The following DAB1 variants were observed in gnomAD, a reference collection of about 807,000 sequenced individuals.
The protein encoded by DAB1 is disabled homolog 1.
A neutral mutation model predicts 64.6 loss-of-function variants in DAB1; 15 were observed. The ratio of observed to expected loss-of-function variants is 0.23; its 90% CI spans 0.16 to 0.36. DAB1 has a LOEUF of 0.36. DAB1 is among the 10% of genes least tolerant of loss of function. DAB1 has a pLI of 1.00. For missense variants in DAB1, 596 were observed against 706.7 expected, an observed-to-expected ratio of 0.84 and a Z score of 1.78; for synonymous variants, 235 against 251.9, an observed-to-expected ratio of 0.93 and a Z score of 0.64.
At chr1:57,485,308 A>G (rs1406548438) in intron 7 of DAB1, among the ~76,000 whole-genome samples, 1 of 152,164 alleles carries the variant, frequency 6.6e-6, no homozygotes, top group Admixed American at 6.5e-5. Context: ...CTATGGGGTG[A>G]GACCCTCTAA....
rs558875140 is a variant in DAB1 at position 58,474,445 on chromosome 1, C to A, written n.257+31615G>T. 2.6e-5 allele frequency among the ~76,000 whole-genome samples: 4 copies of A among 152,126 alleles called. No homozygotes were observed. In the South Asian group the frequency reaches 8.3e-4, roughly 32 times the overall value. ...CTTTTGCACCAACCTAATTGTTCCC[C>A]TGAGAGAAGGAGTTGGTTCATTGTG... is the stretch of plus-strand genomic sequence containing the variant. On this transcript the variant is annotated intron_variant and non_coding_transcript_variant, in intron 3 of 20. Transcript: ENST00000485760.
intron 1 of DAB1, among the ~76,000 whole-genome samples, chr1:57,409,207 T>C (rs17425707): frequency 0.1 from 15,475 of 152,278 alleles, 830 homozygotes; most frequent in African/African-American, 0.12. Context: ...AGGTAGCAGA[T>C]AGTGTTACTG....
chr1:57,162,434 C>A (rs1184566058), intron 2 of DAB1, among the ~76,000 whole-genome samples: 1 of 152,328 alleles, frequency 6.6e-6, no homozygotes, highest in African/African-American at 2.4e-5. Context: ...CAGTGCAGAA[C>A]CCCTAACTTA....
chr1:58,047,161 A>G (rs1647293510), intron 5 of DAB1, among the ~76,000 whole-genome samples: 1 of 152,210 alleles, frequency 6.6e-6, no homozygotes, highest in Non-Finnish European at 1.5e-5. Context: ...AGTTTCACCC[A>G]AAAGAAATAT....
intron 7 of DAB1, among the ~76,000 whole-genome samples, chr1:57,499,756 A>G (rs1570575754): frequency 6.6e-6 from 1 of 152,208 alleles, no homozygotes; most frequent in East Asian, 1.9e-4. Flanking sequence ...GGCTGCATGA[A>G]AGATATTTCC....
intron 6 of DAB1, among the ~76,000 whole-genome samples, chr1:57,720,200 T>A (rs186635461): frequency 3.7e-4 from 56 of 152,344 alleles, no homozygotes; most frequent in Non-Finnish European, 6.2e-4. Context: ...CACACTCCGA[T>A]GCACTGCACA....
intron 5 of DAB1, among the ~76,000 whole-genome samples, chr1:58,043,989 G>C (rs565741315): frequency 2.0e-5 from 3 of 152,190 alleles, no homozygotes; most frequent in Non-Finnish European, 4.4e-5. Context: ...GCCTCTCAAA[G>C]TGCTGGGATT....
chr1:57,126,229 T>A (rs1455754393), intron 4 of DAB1, among the ~76,000 whole-genome samples: 1 of 152,210 alleles, frequency 6.6e-6, no homozygotes, highest in Non-Finnish European at 1.5e-5. Flanking sequence ...TAAATTCATC[T>A]CACTGTTAAT....
intron 4 of DAB1, among the ~76,000 whole-genome samples, chr1:58,250,536 T>G (rs960592198): frequency 5.3e-5 from 8 of 152,158 alleles, no homozygotes; most frequent in African/African-American, 1.9e-4. Context: ...CTTTCATACC[T>G]TATACATCAC....
At chr1:58,113,916 C>T (rs976164405) in intron 5 of DAB1, among the ~76,000 whole-genome samples, 4 of 151,456 alleles carry the variant, frequency 2.6e-5, no homozygotes, top group South Asian at 2.1e-4. Context: ...TAGGAAGGTG[C>T]CCCCCCAAAG....
intron 5 of DAB1, among the ~76,000 whole-genome samples, chr1:57,923,752 G>A (rs571387382): frequency 3.9e-5 from 6 of 152,322 alleles, no homozygotes; most frequent in African/African-American, 2.4e-5. Flanking sequence ...GACTTTGTAG[G>A]TTGTTAAGTG....
At position 58,296,217 on chromosome 1, in the gene DAB1, GAA is replaced by G. The variant is rs1178186308; in HGVS notation, n.309+47133_309+47134del. Among the ~76,000 whole-genome samples, 103 of 146,512 alleles carry G rather than the reference GAA, an allele frequency of 7.0e-4. 1 individual carries two copies. Among genetic ancestry groups the G allele is most frequent in the East Asian group, 1.8e-3 (9 of 4,958 alleles). ...AAAGAGAAAGAAAGAAAGAAAGAAAGAAAGAAAGAAAGAAAGAAAGAAAGAAA... is the reference window on the plus strand; with the variant it reads ...AAAGAGAAAGAAAGAAAGAAAGAAAGAGAAAGAAAGAAAGAAAGAAAGAAA... On this transcript the variant is annotated intron_variant and non_coding_transcript_variant, in intron 4 of 20. Coordinates refer to the DAB1 transcript ENST00000485760.
chr1:58,101,166 A>T (rs1179654236), intron 5 of DAB1, among the ~76,000 whole-genome samples: 6 of 151,894 alleles, frequency 4.0e-5, no homozygotes, highest in Non-Finnish European at 7.4e-5. Flanking sequence ...AAACACAAAA[A>T]ATTAGCCGGG....
chr1:58,377,389 G>C (rs1175941938), intron 3 of DAB1, among the ~76,000 whole-genome samples: 2 of 140,688 alleles, frequency 1.4e-5, no homozygotes, highest in South Asian at 2.5e-4. Context: ...TGACAAAATC[G>C]GTCAGCATTT....
intron 6 of DAB1, among the ~76,000 whole-genome samples, chr1:57,686,881 A>C (rs1033349143): frequency 6.6e-6 from 1 of 152,218 alleles, no homozygotes; most frequent in South Asian, 2.1e-4. Context: ...CAGATGAGGC[A>C]TCAAAGGAAC....
intron 1 of DAB1, among the ~76,000 whole-genome samples, chr1:57,324,650 T>G (rs565483759): frequency 1.4e-4 from 22 of 152,294 alleles, no homozygotes; most frequent in African/African-American, 5.1e-4. Context: ...CTCTGAAGGT[T>G]GGACTACACC....
At chr1:58,296,261 G>GAAAGA (rs1553173621) in intron 4 of DAB1, among the ~76,000 whole-genome samples, 12 of 140,284 alleles carry the variant, frequency 8.6e-5, no homozygotes, top group African/African-American at 2.7e-5. Flanking sequence ...AAGAAAGAAA[G>GAAAGA]AAAAGTGAGG....
chr1:57,584,992 C>T (rs1329157577), intron 7 of DAB1, among the ~76,000 whole-genome samples: 1 of 152,158 alleles, frequency 6.6e-6, no homozygotes, highest in Non-Finnish European at 1.5e-5. Context: ...TGGCTTACGC[C>T]TGTAATCCCA....
chr1:57,985,600 A>G (rs1409836913), intron 5 of DAB1, among the ~76,000 whole-genome samples: 1 of 152,094 alleles, frequency 6.6e-6, no homozygotes, highest in Non-Finnish European at 1.5e-5. Context: ...AGAGAAAAAT[A>G]TAAAGTTTCC....
Sources: gnomAD v4.1 joint callset for allele counts (sites outside exome capture counted in the v4.1 genomes callset) on GRCh38, gnomAD v4.1.1 for gene constraint, MANE v1.5 for transcripts, NCBI Gene and HGNC (gene_info 2026-07-23, HGNC 2026-07-21) for gene names.